The following DPYD variants were observed in gnomAD, a reference collection of about 807,000 sequenced individuals.
DPYD encodes the protein dihydropyrimidine dehydrogenase [NADP(+)].
A neutral mutation model predicts 116.2 loss-of-function variants in DPYD; 109 were observed. The observed-to-expected ratio is 0.94, with a 90% CI of 0.80 to 1.10. The LOEUF (loss-of-function observed/expected upper bound fraction) is 1.10. DPYD is among the 50% of genes least tolerant of loss of function. The pLI, the probability that DPYD is intolerant of heterozygous loss-of-function variation, is 0.00. For missense variants in DPYD, 1,302 were observed against 1,254.5 expected (o/e 1.04, Z -0.57); for synonymous variants, 440 against 432.0 (o/e 1.02, Z -0.23).
At chr1:97,522,839 A>G (rs1219715041) in intron 12 of DPYD, among the ~76,000 whole-genome samples, 1 of 152,184 alleles carries the variant, frequency 6.6e-6, no homozygotes, top group Non-Finnish European at 1.5e-5. Context: ...TTGCAGAACT[A>G]ACATATACTT....
At chr1:97,889,011 G>A (rs1672640843) in intron 1 of DPYD, among the ~76,000 whole-genome samples, 1 of 151,876 alleles carries the variant, frequency 6.6e-6, no homozygotes, top group Admixed American at 6.6e-5. Context: ...ACAAAAATTA[G>A]CCAGGCATGG....
intron 20 of DPYD, among the ~76,000 whole-genome samples, chr1:97,112,953 G>A (rs1423785291): frequency 1.3e-5 from 2 of 151,964 alleles, no homozygotes; most frequent in Non-Finnish European, 1.5e-5. Context: ...TAGGTCAGTG[G>A]GTATTTTTAA....
Position 97,095,574 on chromosome 1 carries a change from A to G in DPYD, c.2766+2915T>C, listed in dbSNP as rs995889722. On this transcript the variant is annotated intron_variant, in intron 21 of 22. Coordinates refer to ENST00000370192, the MANE Select transcript of DPYD (RefSeq NM_000110.4). ...TAAGCAAACAAACGGCAAAAATCAC[A>G]AAATGAGCCTTTGCTAGAGATGATT... Among the ~76,000 whole-genome samples, 32 of 152,058 alleles carry G rather than the reference A, an allele frequency of 2.1e-4. 1 individual carries two copies. In the East Asian group the frequency reaches 4.7e-3, roughly 22 times the overall value.
chr1:97,700,885 A>C (rs1661561775), intron 5 of DPYD, among the ~76,000 whole-genome samples: 1 of 151,742 alleles, frequency 6.6e-6, no homozygotes, highest in African/African-American at 2.4e-5. Context: ...TTTAGCAAAA[A>C]AAATAACTAG....
intron 18 of DPYD, among the ~76,000 whole-genome samples, chr1:97,262,723 AG>A (rs1451004132): frequency 6.6e-6 from 1 of 151,966 alleles, no homozygotes. Context: ...TTTTTTTAGG[AG>A]GTGAAAATTA....
At chr1:97,865,924 A>G (rs1405949039) in intron 2 of DPYD, among the ~76,000 whole-genome samples, 1 of 151,996 alleles carries the variant, frequency 6.6e-6, no homozygotes, top group African/African-American at 2.4e-5. Context: ...CTATTGAGCT[A>G]TAAGTGGTTA....
At chr1:97,635,096 C>T (rs183907474) in intron 8 of DPYD, among the ~76,000 whole-genome samples, 1 of 151,938 alleles carries the variant, frequency 6.6e-6, no homozygotes, top group African/African-American at 2.4e-5. Context: ...TGAAGAGAAA[C>T]GCTGGAGTGG....
intron 12 of DPYD, among the ~76,000 whole-genome samples, chr1:97,548,678 G>A (rs143310307): frequency 0.014 from 2,136 of 152,306 alleles, 25 homozygotes; most frequent in Middle Eastern, 0.027. Flanking sequence ...GGAGGCTGCA[G>A]TGAGCCAAGA....
chr1:97,544,207 G>T (rs1650652047), intron 12 of DPYD, among the ~76,000 whole-genome samples: 1 of 152,196 alleles, frequency 6.6e-6, no homozygotes, highest in African/African-American at 2.4e-5. Flanking sequence ...ATAGAGGCCA[G>T]AACTAAGTTA....
intron 13 of DPYD, among the ~76,000 whole-genome samples, chr1:97,453,371 A>G (rs1224401776): frequency 6.6e-6 from 1 of 152,120 alleles, no homozygotes; most frequent in Non-Finnish European, 1.5e-5. Context: ...AGCCTGTCCA[A>G]CTACAGTTGT....
chr1:97,688,862 T>A (rs1424939264), intron 7 of DPYD, among the ~76,000 whole-genome samples: 1 of 151,928 alleles, frequency 6.6e-6, no homozygotes, highest in East Asian at 1.9e-4. Context: ...CCAAAATTGA[T>A]AAATTTTAGA....
intron 2 of DPYD, among the ~76,000 whole-genome samples, chr1:97,858,567 G>A (rs1192536759): frequency 2.0e-5 from 3 of 152,074 alleles, no homozygotes; most frequent in African/African-American, 7.2e-5. Context: ...AACATTGGCT[G>A]TAATCAGAAT....
chr1:97,298,728 A>G (rs1328245527), intron 18 of DPYD, among the ~76,000 whole-genome samples: 1 of 152,134 alleles, frequency 6.6e-6, no homozygotes, highest in Non-Finnish European at 1.5e-5. Flanking sequence ...GAATGGATAG[A>G]GATGGTGAGG....
At chr1:97,386,104 G>A (rs1403706662) in intron 14 of DPYD, among the ~76,000 whole-genome samples, 2 of 151,916 alleles carry the variant, frequency 1.3e-5, no homozygotes, top group Non-Finnish European at 2.9e-5. Context: ...GGTAAGCAGT[G>A]GTTTCCATTG....
At chr1:97,317,347 C>T (rs1667918034) in intron 16 of DPYD, among the ~76,000 whole-genome samples, 1 of 151,794 alleles carries the variant, frequency 6.6e-6, no homozygotes, top group African/African-American at 2.4e-5. Flanking sequence ...CAAAATGAAC[C>T]CCAGCAGGTT....
chr1:97,184,316 T>C (rs1163564609), intron 20 of DPYD, among the ~76,000 whole-genome samples: 3 of 152,110 alleles, frequency 2.0e-5, no homozygotes, highest in Non-Finnish European at 2.9e-5. Context: ...AGCAGTTCTT[T>C]TTTTTGCTCT....
At chr1:97,557,714 T>C (rs1651849502) in intron 11 of DPYD, among the ~76,000 whole-genome samples, 1 of 152,212 alleles carries the variant, frequency 6.6e-6, no homozygotes, top group South Asian at 2.1e-4. Context: ...GTTAACATGT[T>C]GTGCCAATCC....
rs2100971778 is a variant in DPYD at position 97,699,443 on chromosome 1, C to A, written c.588G>T (p.Gly196=). The A allele has an allele frequency of 6.2e-7, 1 of 1,613,640 alleles. No homozygotes were observed. Among genetic ancestry groups the A allele is most frequent in the Non-Finnish European group, 8.5e-7 (1 of 1,179,690 alleles). ...AGGAAGCACAACTTATACTTGCAGG[C>A]CCAGCACCAAAAAGAGCAATCTTTG... ...YSAKIALFGA[G]PASISCASFL... Residue 196 remains glycine (G), a synonymous_variant, in exon 6 of 23, where the codon GGG becomes GGT. Coordinates refer to ENST00000370192, the MANE Select transcript of DPYD (RefSeq NM_000110.4).
chr1:97,803,351 T>C (rs142355269), intron 3 of DPYD, among the ~76,000 whole-genome samples: 1 of 152,084 alleles, frequency 6.6e-6, no homozygotes, highest in East Asian at 1.9e-4. Context: ...TAAGTTACTA[T>C]AATAATCTTG....
Sources: gnomAD v4.1 joint callset for allele counts (sites outside exome capture counted in the v4.1 genomes callset) on GRCh38, gnomAD v4.1.1 for gene constraint, MANE v1.5 for transcripts, NCBI Gene and HGNC (gene_info 2026-07-23, HGNC 2026-07-21) for gene names.